Variants in MAGI2 observed in about 807,000 individuals in gnomAD.
MAGI2 encodes the protein membrane-associated guanylate kinase, WW and PDZ domain-containing protein 2.
MAGI2 carries 35 observed loss-of-function variants against 133.3 expected under a neutral mutation model. The observed-to-expected ratio is 0.26, with a 90% CI of 0.20 to 0.35. MAGI2 has a LOEUF of 0.35. Ranked by LOEUF, MAGI2 falls within the 10% of genes least tolerant of loss-of-function variation. The pLI, the probability that MAGI2 is intolerant of heterozygous loss-of-function variation, is 1.00. For missense variants in MAGI2, 1,636 were observed against 1,863.4 expected (o/e 0.88, Z 2.25); for synonymous variants, 729 against 710.6 (o/e 1.03, Z -0.41).
intron 1 of MAGI2, among the ~76,000 whole-genome samples, chr7:79,308,432 G>A (rs760070502): frequency 5.9e-5 from 9 of 152,114 alleles, no homozygotes; most frequent in Non-Finnish European, 8.8e-5. Flanking sequence ...AAGCATGAGC[G>A]AGTTCAATAG....
At chr7:78,382,608 C>T (rs535497411) in intron 6 of MAGI2, among the ~76,000 whole-genome samples, 1 of 152,146 alleles carries the variant, frequency 6.6e-6, no homozygotes, top group East Asian at 1.9e-4. Context: ...GTATATAATG[C>T]ATAGTGATCA....
chr7:78,042,167 T>C (rs1810920066), intron 21 of MAGI2, among the ~76,000 whole-genome samples: 1 of 152,194 alleles, frequency 6.6e-6, no homozygotes, highest in Non-Finnish European at 1.5e-5. Flanking sequence ...TAAAGGAAGG[T>C]CCTTGAAGAG....
At chr7:79,038,590 A>C (rs1478013864) in intron 1 of MAGI2, among the ~76,000 whole-genome samples, 2 of 152,192 alleles carry the variant, frequency 1.3e-5, no homozygotes, top group Non-Finnish European at 2.9e-5. Context: ...AAAAGGTAGC[A>C]ATCATGCACC....
intron 1 of MAGI2, among the ~76,000 whole-genome samples, chr7:79,241,803 G>C (rs780226962): frequency 5.3e-5 from 8 of 152,152 alleles, no homozygotes; most frequent in Non-Finnish European, 1.0e-4. Flanking sequence ...TTTGAGATGT[G>C]TTTCAAACCT....
At chr7:79,008,927 GT>G (rs1277799627) in intron 1 of MAGI2, 1 of 151,998 alleles carries the variant, frequency 6.6e-6, no homozygotes, top group Admixed American at 6.6e-5. Context: ...CACCTACTGA[GT>G]AAGCATCATG....
At chr7:78,409,904 A>G (rs1160130767) in intron 6 of MAGI2, among the ~76,000 whole-genome samples, 1 of 152,076 alleles carries the variant, frequency 6.6e-6, no homozygotes, top group African/African-American at 2.4e-5. Context: ...TATTAACAGG[A>G]AAATAATGTA....
At chr7:78,712,256 A>T (rs923224982) in intron 2 of MAGI2, among the ~76,000 whole-genome samples, 1 of 152,182 alleles carries the variant, frequency 6.6e-6, no homozygotes, top group African/African-American at 2.4e-5. Context: ...TGATGGAAAG[A>T]TGACTAGATA....
intron 3 of MAGI2, among the ~76,000 whole-genome samples, chr7:78,590,769 G>A (rs891105739): frequency 2.0e-5 from 3 of 152,088 alleles, no homozygotes; most frequent in Non-Finnish European, 2.9e-5. Context: ...GAAAAACTGT[G>A]GTGACTGATT....
chr7:78,413,397 A>G (rs1360762041), intron 6 of MAGI2, among the ~76,000 whole-genome samples: 1 of 152,132 alleles, frequency 6.6e-6, no homozygotes, highest in Non-Finnish European at 1.5e-5. Flanking sequence ...GAACATGATG[A>G]GAAATGGCAA....
chr7:78,712,618 T>C (rs190740447), intron 2 of MAGI2, among the ~76,000 whole-genome samples: 2 of 152,202 alleles, frequency 1.3e-5, no homozygotes, highest in Non-Finnish European at 2.9e-5. Flanking sequence ...TTCATCAAAA[T>C]ATACAAAAGA....
At chr7:78,034,214 G>A (rs1809914694) in intron 21 of MAGI2, among the ~76,000 whole-genome samples, 1 of 152,136 alleles carries the variant, frequency 6.6e-6, no homozygotes, top group Admixed American at 6.5e-5. Context: ...TAAGGAGCTT[G>A]TTATAGGAGG....
At chr7:78,616,123 C>A (rs1807057594) in intron 3 of MAGI2, 1 of 152,186 alleles carries the variant, frequency 6.6e-6, no homozygotes, top group South Asian at 2.1e-4. Context: ...TCCCAAGTCC[C>A]ACATGTCCAC....
At chr7:79,069,401 T>A (rs1814718013) in intron 1 of MAGI2, among the ~76,000 whole-genome samples, 1 of 152,210 alleles carries the variant, frequency 6.6e-6, no homozygotes, top group South Asian at 2.1e-4. Flanking sequence ...GTCTGTTTTA[T>A]CAGAGACTAG....
At chr7:79,436,241 A>AT (rs1402937476) in intron 1 of MAGI2, among the ~76,000 whole-genome samples, 3 of 151,678 alleles carry the variant, frequency 2.0e-5, no homozygotes, top group Admixed American at 2.0e-4. Context: ...AAAAAAAAAA[A>AT]AGTCCTTGAA....
At chr7:78,751,668 G>A (rs1823471785) in intron 2 of MAGI2, among the ~76,000 whole-genome samples, 1 of 152,184 alleles carries the variant, frequency 6.6e-6, no homozygotes, top group Admixed American at 6.5e-5. Flanking sequence ...TGATAATGGT[G>A]AAGTAATTCA....
intron 20 of MAGI2, among the ~76,000 whole-genome samples, chr7:78,105,321 C>T (rs1583920595): frequency 2.0e-5 from 3 of 152,178 alleles, no homozygotes; most frequent in Admixed American, 2.0e-4. Context: ...AGACATTCTT[C>T]TAAAGGTCTC....
chr7:78,822,270 C>T (rs949400462), intron 2 of MAGI2, among the ~76,000 whole-genome samples: 8 of 151,908 alleles, frequency 5.3e-5, no homozygotes, highest in African/African-American at 7.2e-5. Flanking sequence ...ATTTTCATAA[C>T]GCTAGTCAAA....
At chr7:79,407,089 AATAAG>A (rs1366184089) in intron 1 of MAGI2, among the ~76,000 whole-genome samples, 3 of 152,174 alleles carry the variant, frequency 2.0e-5, no homozygotes, top group Non-Finnish European at 4.4e-5. Context: ...ACATTTTACT[AATAAG>A]AACAGGGATA....
At chr7:79,079,494 A>T (rs1055264066) in intron 1 of MAGI2, among the ~76,000 whole-genome samples, 10 of 152,162 alleles carry the variant, frequency 6.6e-5, no homozygotes, top group Admixed American at 1.3e-4. Flanking sequence ...AAAAACAGAA[A>T]ATTTGATTTT....
Sources: allele counts gnomAD v4.1 joint callset (sites outside exome capture counted in the v4.1 genomes callset), GRCh38; gene constraint gnomAD v4.1.1; transcripts MANE v1.5; gene names NCBI Gene and HGNC (gene_info 2026-07-23, HGNC 2026-07-21).